The following PNISR variants were observed in gnomAD, a reference collection of about 807,000 sequenced individuals.
The protein encoded by PNISR is PNN interacting serine and arginine rich protein, also known as arginine/serine-rich protein PNISR.
In PNISR, 20 loss-of-function variants were observed where a neutral mutation model predicts 93.4. The ratio of observed to expected loss-of-function variants is 0.21; its 90% CI spans 0.15 to 0.31. The LOEUF is 0.31. Ranked by LOEUF, PNISR falls within the 10% of genes least tolerant of loss-of-function variation. The probability of loss-of-function intolerance (pLI) is 1.00; values close to 1 mark genes in which losing one functional copy is unlikely to be tolerated. For synonymous variants in PNISR, 305 were observed against 306.5 expected, an observed-to-expected ratio of 0.99 and a Z score of 0.05; for missense variants, 893 against 985.4, an observed-to-expected ratio of 0.91 and a Z score of 1.25.
intron 1 of PNISR, among the ~76,000 whole-genome samples, chr6:99,419,003 A>G (rs1248778600): frequency 1.3e-5 from 2 of 151,844 alleles, no homozygotes; most frequent in East Asian, 3.9e-4. Context: ...CAAAAAAATT[A>G]GCCGGACATG....
At chr6:99,422,895 A>AAAC (rs765419379) in intron 1 of PNISR, among the ~76,000 whole-genome samples, 1,587 of 132,884 alleles carry the variant, frequency 0.012, 15 homozygotes, top group Non-Finnish European at 0.019. Flanking sequence ...AAAAAAAAAA[A>AAAC]AAAACTGGAG....
At chr6:99,418,968 G>T (rs1222697873) in intron 1 of PNISR, among the ~76,000 whole-genome samples, 1 of 151,772 alleles carries the variant, frequency 6.6e-6, no homozygotes, top group African/African-American at 2.4e-5. Context: ...GGCTAACACG[G>T]TGAAACCCGT....
At position 99,424,561 on chromosome 6, in the gene PNISR, T is replaced by C. The variant is rs143810831; in HGVS notation, c.-112+654A>G. Among the ~76,000 whole-genome samples, 523 of 152,346 alleles carry C rather than the reference T, an allele frequency of 3.4e-3. 5 individuals are homozygous for C. Among genetic ancestry groups the C allele is most frequent in the African/African-American group, 0.011 (470 of 41,588 alleles). ...GCACTCAAATGAGGAATTCTAAGTT[T>C]ATTTTGTTTTACTTGGGGGCAGGGG... On this transcript the variant is annotated intron_variant, in intron 1 of 11. Coordinates refer to ENST00000369239, the MANE Select transcript of PNISR (RefSeq NM_032870.4).
intron 7 of PNISR, among the ~76,000 whole-genome samples, chr6:99,407,497 T>G (rs1317512186): frequency 6.6e-6 from 1 of 152,116 alleles, no homozygotes; most frequent in Non-Finnish European, 1.5e-5. Context: ...TGCCAAAATC[T>G]AGTTATTTTG....
At chr6:99,418,386 T>C (rs1778017937) in intron 1 of PNISR, among the ~76,000 whole-genome samples, 1 of 151,178 alleles carries the variant, frequency 6.6e-6, no homozygotes, top group Admixed American at 6.6e-5. Context: ...TCTACCCACC[T>C]CAGCCTCCCA....
At chr6:99,406,341 T>C (rs140767151) in intron 7 of PNISR, among the ~76,000 whole-genome samples, 173 bp from the exon 8 acceptor site, 198 of 152,336 alleles carry the variant, frequency 1.3e-3, no homozygotes, top group African/African-American at 4.4e-3. Context: ...TTAAAAAGTA[T>C]AACCTGGGAA....
At chr6:99,407,669 G>A (rs1199285252) in intron 7 of PNISR, among the ~76,000 whole-genome samples, 1 of 152,176 alleles carries the variant, frequency 6.6e-6, no homozygotes, top group Non-Finnish European at 1.5e-5. Flanking sequence ...GACTTAAAAT[G>A]TTGTTATACT....
Position 99,404,627 on chromosome 6 carries a change from C to G in PNISR, c.1078G>C (p.Asp360His), listed in dbSNP as rs1022003399. 1 of 1,601,698 alleles carries G rather than the reference C, an allele frequency of 6.2e-7. No individual in the cohort carries two copies. Among genetic ancestry groups the G allele is most frequent in the African/African-American group, 1.3e-5 (1 of 74,662 alleles). The change falls in exon 9 of 12, where the codon GAT becomes CAT. Residue 360 changes from aspartate to histidine, a missense_variant. Coordinates refer to ENST00000369239, the MANE Select transcript of PNISR (RefSeq NM_032870.4). The stretch of plus-strand genomic sequence containing the variant: ...CCTTTCGTTGCTTTGCGGTGTGCAT[C>G]TTTGGCTACGTAATAAATTTCTTCA... ...TDEEIYYVAK[D>H]AHRKATKAPA...
Position 99,404,566 on chromosome 6 carries a change from C to A in PNISR, c.1102+37G>T, listed in dbSNP as rs746086995. 1.2e-5 allele frequency: 13 copies of A among 1,099,570 alleles called. No homozygotes were observed. The East Asian group carries it at 3.1e-4, about 26-fold the overall frequency. The allele number at this position is 1,099,570 out of a possible 1,614,324, so 68.1% of individuals were successfully genotyped here. A position where few individuals can be genotyped will look rare whatever the true frequency, so the allele number is the denominator to read the frequency against. On this transcript the variant is annotated intron_variant, in intron 9 of 11. Transcript: ENST00000369239. ...CAAAATAGTCATCAGAACCAAAATA[C>A]CCCAGGAAAAGCAAAACCAGAAACA...
At chr6:99,414,012 G>A (rs1477285344) in intron 3 of PNISR, among the ~76,000 whole-genome samples, 1 of 152,096 alleles carries the variant, frequency 6.6e-6, no homozygotes, top group Non-Finnish European at 1.5e-5. Context: ...TCCTACAATA[G>A]AATGATACAT....
At chr6:99,420,430 T>C (rs577135579) in intron 1 of PNISR, among the ~76,000 whole-genome samples, 25 of 152,360 alleles carry the variant, frequency 1.6e-4, no homozygotes, top group Non-Finnish European at 2.8e-4. Flanking sequence ...TTTCAGCACA[T>C]AGCACAATGC....
At chr6:99,415,649 G>A (rs1399834353) in intron 2 of PNISR, 1 of 152,064 alleles carries the variant, frequency 6.6e-6, no homozygotes, top group Non-Finnish European at 1.5e-5. Context: ...ACCAGGGCAT[G>A]GTTTCTTCTT....
chr6:99,414,526 T>C, intron 3 of PNISR, 46 bp downstream of exon 3: 1 of 963,700 alleles, frequency 1.0e-6, no homozygotes, highest in South Asian at 1.3e-5. Context: ...TCTACCCATT[T>C]CCACATATCC....
chr6:99,401,030 T>C lies in PNISR; in HGVS notation c.1928A>G (p.Asp643Gly), dbSNP rs752804027. Residue 643 changes from aspartate (D) to glycine (G), a missense_variant, in exon 12 of 12, where the codon GAT becomes GGT. This residue lies in a region of PNISR where 866 missense variants were observed against 935.1 expected (regional missense o/e 0.93). Coordinates refer to ENST00000369239, the MANE Select transcript of PNISR (RefSeq NM_032870.4). ...CCCACTAAGATTTCCACGTTGATCA[T>C]CAATTTTACGCCTATCTCGACTCCT... is the stretch of plus-strand genomic sequence containing the variant. ...RSRSRDRRKI[D>G]DQRGNLSGNS... is the part of the protein sequence containing the mutation. 22 of 1,613,754 alleles carry C rather than the reference T, an allele frequency of 1.4e-5. No homozygotes were observed. Among genetic ancestry groups the C allele is most frequent in the Non-Finnish European group, 1.7e-5 (20 of 1,179,978 alleles).
rs1242446130 is a variant in PNISR at position 99,414,641 on chromosome 6, GTCC to G, written c.16_18del (p.Gly6del). 1 of 1,603,558 alleles carries G rather than the reference GTCC, an allele frequency of 6.2e-7. No individual in the cohort carries two copies. The highest frequency in any genetic ancestry group is 8.5e-7 in the Non-Finnish European group (1 of 1,171,952). ...TTCAAGGGCCACTGCTGCCAAGGCT[GTCC>G]TCCTTGATCCCACATCCCTTCTTTT... is the stretch of plus-strand genomic sequence containing the variant. On this transcript the variant is annotated inframe_deletion, in exon 3 of 12. Transcript: ENST00000369239.
At chr6:99,406,935 G>A (rs578110732) in intron 7 of PNISR, among the ~76,000 whole-genome samples, 1 of 152,100 alleles carries the variant, frequency 6.6e-6, no homozygotes, top group South Asian at 2.1e-4. Flanking sequence ...CAATCCCACA[G>A]GCATTTGGGA....
chr6:99,422,505 G>T (rs1365845174), intron 1 of PNISR, among the ~76,000 whole-genome samples: 1 of 152,192 alleles, frequency 6.6e-6, no homozygotes, highest in Non-Finnish European at 1.5e-5. Flanking sequence ...ACGGAAAACA[G>T]AAATTTTGCT....
intron 1 of PNISR, among the ~76,000 whole-genome samples, chr6:99,418,144 T>C (rs1777974073): frequency 6.6e-6 from 1 of 151,894 alleles, no homozygotes; most frequent in African/African-American, 2.4e-5. Flanking sequence ...TTATTATTAT[T>C]ATATTTTTTT....
chr6:99,412,794 G>A (rs1777118537), intron 3 of PNISR, 55 bp from the exon 4 acceptor site: 1 of 1,028,686 alleles, frequency 9.7e-7, no homozygotes, highest in East Asian at 2.5e-5. Flanking sequence ...TAAAAGAATA[G>A]TGCCTCTATG....
Sources: allele counts gnomAD v4.1 joint callset (sites outside exome capture counted in the v4.1 genomes callset), GRCh38; gene constraint gnomAD v4.1.1; regional missense constraint gnomAD v4.1.1; transcripts MANE v1.5; gene names NCBI Gene and HGNC (gene_info 2026-07-23, HGNC 2026-07-21).